The following RALYL variants were observed in gnomAD, a reference collection of about 807,000 sequenced individuals.
The protein encoded by RALYL is RNA-binding Raly-like protein.
In RALYL, 29 loss-of-function variants were observed where a neutral mutation model predicts 35.1. The observed-to-expected ratio is 0.83, with a 90% CI of 0.61 to 1.13. The LOEUF is 1.13. Ranked by LOEUF, RALYL falls within the 50% of genes most tolerant of loss-of-function variation. The probability of loss-of-function intolerance (pLI) is 0.00; values close to 1 mark genes in which losing one functional copy is unlikely to be tolerated. For missense variants in RALYL, 359 were observed against 360.4 expected (o/e 1.00, Z 0.03); for synonymous variants, 120 against 127.6 (o/e 0.94, Z 0.40).
intron 1 of RALYL, among the ~76,000 whole-genome samples, chr8:84,340,895 G>C (rs889115789): frequency 2.0e-5 from 3 of 151,922 alleles, no homozygotes; most frequent in African/African-American, 4.8e-5. Flanking sequence ...TTGCTATACT[G>C]TTTGTATACA....
intron 1 of RALYL, among the ~76,000 whole-genome samples, chr8:84,292,526 A>G (rs1454052400): frequency 1.3e-5 from 2 of 152,144 alleles, no homozygotes; most frequent in African/African-American, 4.8e-5. Context: ...AAGGTATTCT[A>G]AGTCACAGGA....
intron 1 of RALYL, among the ~76,000 whole-genome samples, chr8:84,525,176 G>A (rs555254000): frequency 6.6e-6 from 1 of 151,824 alleles, no homozygotes; most frequent in East Asian, 1.9e-4. Context: ...AAAATTCTTT[G>A]GAACAACAGC....
intron 5 of RALYL, among the ~76,000 whole-genome samples, chr8:84,851,156 A>C (rs1835778973): frequency 6.6e-6 from 1 of 152,124 alleles, no homozygotes; most frequent in Admixed American, 6.5e-5. Flanking sequence ...ACGTTTTGTC[A>C]CTGAGAGATA....
chr8:84,372,437 G>A (rs534088539), intron 1 of RALYL, among the ~76,000 whole-genome samples: 1 of 152,100 alleles, frequency 6.6e-6, no homozygotes, highest in Admixed American at 6.6e-5. Flanking sequence ...GCAGTAGCCT[G>A]CATACAGTAA....
At chr8:84,354,424 A>T (rs1241724601) in intron 1 of RALYL, among the ~76,000 whole-genome samples, 1 of 150,226 alleles carries the variant, frequency 6.7e-6, no homozygotes, top group Non-Finnish European at 1.5e-5. Context: ...GACACCATAC[A>T]CCACAAAGTA....
intron 1 of RALYL, among the ~76,000 whole-genome samples, chr8:84,384,103 A>G (rs1858625215): frequency 6.6e-6 from 1 of 151,720 alleles, no homozygotes; most frequent in South Asian, 2.1e-4. Context: ...TTTACAAAAT[A>G]TTTTATAATG....
chr8:84,661,217 C>T (rs530102546), intron 2 of RALYL, among the ~76,000 whole-genome samples: 2 of 152,116 alleles, frequency 1.3e-5, no homozygotes, highest in South Asian at 2.1e-4. Context: ...CAAGAGCCAC[C>T]GTGCCCAGCC....
chr8:84,512,000 C>T (rs185412288), intron 1 of RALYL, among the ~76,000 whole-genome samples: 47 of 152,258 alleles, frequency 3.1e-4, no homozygotes, highest in South Asian at 8.3e-4. Context: ...CTGCAGTAGA[C>T]GTGGGGATAC....
chr8:84,447,192 G>A (rs894774612), intron 1 of RALYL, among the ~76,000 whole-genome samples: 1 of 151,956 alleles, frequency 6.6e-6, no homozygotes, highest in Non-Finnish European at 1.5e-5. Context: ...CTATGTAACT[G>A]TTGTTGGATT....
At chr8:84,842,415 C>T (rs1245854513) in intron 4 of RALYL, among the ~76,000 whole-genome samples, 1 of 151,984 alleles carries the variant, frequency 6.6e-6, no homozygotes, top group African/African-American at 2.4e-5. Context: ...AAGACTAAAC[C>T]AGGAAGAAGT....
chr8:84,773,393 AT>A (rs1371031730), intron 2 of RALYL, among the ~76,000 whole-genome samples: 2 of 152,190 alleles, frequency 1.3e-5, no homozygotes, highest in Non-Finnish European at 2.9e-5. Flanking sequence ...TTCTGTCAAA[AT>A]AATATCCCTC....
intron 1 of RALYL, among the ~76,000 whole-genome samples, chr8:84,413,393 C>A (rs544013852): frequency 6.6e-6 from 1 of 151,140 alleles, no homozygotes; most frequent in Non-Finnish European, 1.5e-5. Flanking sequence ...TCCAGCTATA[C>A]ATTGTATGTT....
intron 1 of RALYL, among the ~76,000 whole-genome samples, chr8:84,387,990 C>T (rs1859641263): frequency 6.6e-6 from 1 of 151,968 alleles, no homozygotes; most frequent in African/African-American, 2.4e-5. Flanking sequence ...GCTATCCCTC[C>T]CCCTACACCA....
At chr8:84,894,586 T>C (rs1420820615) in intron 8 of RALYL, among the ~76,000 whole-genome samples, 1 of 152,168 alleles carries the variant, frequency 6.6e-6, no homozygotes, top group Admixed American at 6.5e-5. Context: ...TGACCTGGCC[T>C]AGGTGACCTG....
chr8:84,767,164 T>C (rs148423408), intron 2 of RALYL, among the ~76,000 whole-genome samples: 2,017 of 152,306 alleles, frequency 0.013, 50 homozygotes, highest in African/African-American at 0.046. Flanking sequence ...CATGGCTGGT[T>C]AGTATTCTGG....
chr8:84,279,022 G>A (rs1835982640), intron 1 of RALYL, among the ~76,000 whole-genome samples: 1 of 152,134 alleles, frequency 6.6e-6, no homozygotes, highest in Non-Finnish European at 1.5e-5. Context: ...ACAAGACTGG[G>A]TAATTTATAA....
At chr8:84,412,331 A>T (rs1395373249) in intron 1 of RALYL, among the ~76,000 whole-genome samples, 3 of 151,882 alleles carry the variant, frequency 2.0e-5, no homozygotes, top group Non-Finnish European at 4.4e-5. Flanking sequence ...ATTTTATTTT[A>T]TTTTTTCTGA....
At chr8:84,281,488 C>A (rs570279740) in intron 1 of RALYL, among the ~76,000 whole-genome samples, 3 of 151,494 alleles carry the variant, frequency 2.0e-5, no homozygotes, top group African/African-American at 7.3e-5. Context: ...TATAACTACA[C>A]AGAGTGTCCT....
chr8:84,853,216 G>T (rs531426136), intron 5 of RALYL, among the ~76,000 whole-genome samples: 1 of 152,116 alleles, frequency 6.6e-6, no homozygotes. Flanking sequence ...AGATGGAGTC[G>T]CTCTGGTTTG....
Sources: allele counts gnomAD v4.1 joint callset (sites outside exome capture counted in the v4.1 genomes callset), GRCh38; gene constraint gnomAD v4.1.1; transcripts MANE v1.5; gene names NCBI Gene and HGNC (gene_info 2026-07-23, HGNC 2026-07-21).